STK17A: variants seen among roughly 807,000 people sequenced by gnomAD.
STK17A encodes the protein serine/threonine-protein kinase 17A.
Under a neutral mutation model 43.7 loss-of-function variants are expected in STK17A, and 26 were observed. The observed-to-expected ratio is 0.60, with a 90% CI of 0.44 to 0.83. The LOEUF (loss-of-function observed/expected upper bound fraction) is 0.83, where lower values mean the gene tolerates loss of function less well. Ranked by LOEUF, STK17A falls within the 40% of genes least tolerant of loss-of-function variation. The probability of loss-of-function intolerance (pLI) is 0.00; values close to 1 mark genes in which losing one functional copy is unlikely to be tolerated. For synonymous variants in STK17A, 191 were observed against 182.5 expected, an observed-to-expected ratio of 1.05 and a Z score of -0.38; for missense variants, 476 against 511.6, an observed-to-expected ratio of 0.93 and a Z score of 0.67.
At chr7:43,618,245 G>T (rs572963184) in intron 3 of STK17A, among the ~76,000 whole-genome samples, 1 of 152,304 alleles carries the variant, frequency 6.6e-6, no homozygotes, top group South Asian at 2.1e-4. Flanking sequence ...AGCAGGGGAG[G>T]CCAGGGCAGG....
Position 43,593,592 on chromosome 7 carries a change from A to G in STK17A, c.207-2309A>G, listed in dbSNP as rs189220715. Among the ~76,000 whole-genome samples, 160 of 152,184 alleles carry G rather than the reference A, an allele frequency of 1.1e-3. No individual in the cohort carries two copies. In the Middle Eastern group the frequency reaches 0.017, roughly 16 times the overall value. ...ATAGCCATTCCAACTGCTGTAAAGC[A>G]GTACCTCATTGTGATTTTAATTTGC... On this transcript the variant is annotated intron_variant, in intron 1 of 6. Coordinates refer to ENST00000319357, the MANE Select transcript of STK17A (RefSeq NM_004760.3).
At position 43,596,007 on chromosome 7, in the gene STK17A, A is replaced by G; in HGVS notation, c.313A>G (p.Ile105Val). The change falls in exon 2 of 7, where the codon ATA becomes GTA. Residue 105 changes from isoleucine (I) to valine (V), a missense_variant. Physicochemically the swap from Ile to Val is conservative, Grantham distance 29. Coordinates refer to ENST00000319357, the MANE Select transcript of STK17A (RefSeq NM_004760.3). ...AAAAGGCCAAGATTGTCGGATGGAA[A>G]TAATTCATGAGATTGCTGTACTTGA... ...RRKGQDCRME[I>V]IHEIAVLELA... 6.2e-7 allele frequency: 1 copy of G among 1,614,020 alleles called. No individual in the cohort carries two copies. The highest frequency in any genetic ancestry group is 8.5e-7 in the Non-Finnish European group (1 of 1,179,960).
At chr7:43,622,193 C>T (rs561176544) in intron 4 of STK17A, 4 of 152,324 alleles carry the variant, frequency 2.6e-5, no homozygotes, top group South Asian at 2.1e-4. Context: ...GTTTCTTCCC[C>T]GGTAATTTGG....
intron 2 of STK17A, among the ~76,000 whole-genome samples, chr7:43,598,820 G>A (rs1242288330): frequency 1.3e-5 from 2 of 151,802 alleles, no homozygotes; most frequent in Non-Finnish European, 1.5e-5. Flanking sequence ...CTGGAGTGCA[G>A]TGGCATGATC....
At position 43,608,301 on chromosome 7, in the gene STK17A, A is replaced by G; in HGVS notation, c.465A>G (p.Glu155=). Residue 155 remains glutamate (E), a synonymous_variant, in exon 3 of 7, where the codon GAA becomes GAG. Coordinates refer to ENST00000319357, the MANE Select transcript of STK17A (RefSeq NM_004760.3). ...TTGACCAGTGTGTTGCAGACAGAGAAGAAGCCTTTAAAGAAAAAGATGTTC... is the reference window on the plus strand; with the variant it reads ...TTGACCAGTGTGTTGCAGACAGAGAGGAAGCCTTTAAAGAAAAAGATGTTC... The part of the protein sequence containing the change: ...EIFDQCVADR[E]EAFKEKDVQR... 1.2e-6 allele frequency: 2 copies of G among 1,614,138 alleles called. No individual in the cohort carries two copies. Among genetic ancestry groups the G allele is most frequent in the South Asian group, 1.1e-5 (1 of 91,066 alleles).
intron 3 of STK17A, among the ~76,000 whole-genome samples, chr7:43,610,346 CAAAAAAAA>C (rs138859141): frequency 1.9e-4 from 8 of 41,312 alleles, no homozygotes; most frequent in South Asian, 1.2e-3. Context: ...GACTCCGTCT[CAAAAAAAA>C]AAAAAAAAAA....
chr7:43,589,517 G>T (rs781510135), intron 1 of STK17A, among the ~76,000 whole-genome samples: 1 of 146,764 alleles, frequency 6.8e-6, no homozygotes. Context: ...TTTGTATTTG[G>T]AATCCCTTCA....
chr7:43,590,658 T>A (rs2152970625), intron 1 of STK17A, among the ~76,000 whole-genome samples: 1 of 151,688 alleles, frequency 6.6e-6, no homozygotes, highest in Middle Eastern at 3.4e-3. Flanking sequence ...GGAAGAAGTT[T>A]GGCTTTTGAG....
intron 3 of STK17A, among the ~76,000 whole-genome samples, chr7:43,612,116 C>T (rs560867047): frequency 1.3e-5 from 2 of 152,314 alleles, no homozygotes; most frequent in East Asian, 3.9e-4. Context: ...AGAATTCTTT[C>T]CAGATTCAGT....
At chr7:43,602,103 A>G (rs900761239) in intron 2 of STK17A, among the ~76,000 whole-genome samples, 4 of 152,152 alleles carry the variant, frequency 2.6e-5, no homozygotes, top group Admixed American at 2.0e-4. Flanking sequence ...GAAGAGATTC[A>G]GCTAATTATT....
In STK17A at chr7:43,583,410, A is replaced by T; in HGVS notation, c.167A>T (p.Gln56Leu). ...IRAVVRTEPF[Q>L]DGYSLCPGRE... ...GCCGTGGTGCGCACCGAGCCCTTCC[A>T]GGACGGCTACAGCCTGTGCCCGGGC... Residue 56 changes from glutamine (Q) to leucine (L), a missense_variant, in exon 1 of 7, where the codon CAG becomes CTG. Gln to Leu is a moderately radical substitution (Grantham distance 113, BLOSUM62 -2). This residue lies in a region of STK17A where 320 missense variants were observed against 326.3 expected (regional missense o/e 0.98). Transcript: ENST00000319357. 1 of 1,433,566 alleles carries T rather than the reference A, an allele frequency of 7.0e-7. No homozygotes were observed. The highest frequency in any genetic ancestry group is 9.2e-7 in the Non-Finnish European group (1 of 1,092,234). The allele number at this position is 1,433,566 out of a possible 1,614,324, so 88.8% of individuals were successfully genotyped here.
At chr7:43,584,633 T>C (rs2082426323) in intron 1 of STK17A, among the ~76,000 whole-genome samples, 1 of 152,036 alleles carries the variant, frequency 6.6e-6, no homozygotes, top group Non-Finnish European at 1.5e-5. Context: ...CACACTGCCT[T>C]ACACATATTA....
chr7:43,583,915 A>G (rs2082421211), intron 1 of STK17A, among the ~76,000 whole-genome samples: 1 of 151,976 alleles, frequency 6.6e-6, no homozygotes, highest in South Asian at 2.1e-4. Flanking sequence ...CTTCCTTTGC[A>G]CCGGCGCTCT....
rs542878047 is a variant in STK17A, at chr7:43,588,738, G to A, written c.206+5289G>A. 7.3e-4 allele frequency among the ~76,000 whole-genome samples: 111 copies of A among 151,282 alleles called. 2 individuals carry two copies. The South Asian group carries it at 0.012, about 16-fold the overall frequency. ...TCCCAGCTACTTGGGAGGCTGAGGC[G>A]GGAGAATTCCTTGAACTTGAGAGGT... is the stretch of plus-strand genomic sequence containing the variant. On this transcript the variant is annotated intron_variant, in intron 1 of 6. Transcript: ENST00000319357.
intron 2 of STK17A, among the ~76,000 whole-genome samples, chr7:43,605,612 G>A (rs2082583541): frequency 6.6e-6 from 1 of 151,858 alleles, no homozygotes; most frequent in East Asian, 1.9e-4. Flanking sequence ...TCTTAGCCTT[G>A]CCAAACTCCC....
chr7:43,615,197 A>T (rs1365844380), intron 3 of STK17A, among the ~76,000 whole-genome samples: 2 of 152,020 alleles, frequency 1.3e-5, no homozygotes, highest in East Asian at 1.9e-4. Flanking sequence ...TTTGTTTTTG[A>T]TAGGGTCGTA....
intron 1 of STK17A, among the ~76,000 whole-genome samples, chr7:43,595,145 AATG>A (rs1054222954): frequency 1.8e-4 from 27 of 152,144 alleles, no homozygotes; most frequent in African/African-American, 5.8e-4. Context: ...CTCTAGTTAA[AATG>A]ATAAATGAGT....
Position 43,608,377 on chromosome 7 carries a change from G to A in STK17A, c.541G>A (p.Asp181Asn), listed in dbSNP as rs374240387. The A allele has an allele frequency of 6.2e-6, 10 of 1,608,446 alleles. No individual in the cohort carries two copies. The East Asian group carries it at 1.3e-4, about 22-fold the overall frequency. ...LEGVHFLHTR[D>N]VVHLDLKPQN... Reference sequence around the variant, plus strand: ...AGGTGTTCACTTTTTACACACTCGTGATGTAGTTCATCTTGATTTGAAGGT... The same window carrying A: ...AGGTGTTCACTTTTTACACACTCGTAATGTAGTTCATCTTGATTTGAAGGT... The change falls in exon 3 of 7, where the codon GAT becomes AAT. Residue 181 changes from aspartate (D) to asparagine (N), a missense_variant. Asp to Asn is a conservative substitution (Grantham distance 23). Coordinates refer to ENST00000319357, the MANE Select transcript of STK17A (RefSeq NM_004760.3).
At position 43,583,420 on chromosome 7, in the gene STK17A, C is replaced by T. The variant is rs1271237446; in HGVS notation, c.177C>T (p.Tyr59=). 7.2e-7 allele frequency: 1 copy of T among 1,398,054 alleles called. No individual in the cohort carries two copies. Among genetic ancestry groups the T allele is most frequent in the Non-Finnish European group, 9.3e-7 (1 of 1,075,874 alleles). The allele number at this position is 1,398,054 out of a possible 1,614,324, so 86.6% of individuals were successfully genotyped here. Residue 59 remains tyrosine, a synonymous_variant, in exon 1 of 7, where the codon TAC becomes TAT. Coordinates refer to ENST00000319357, the MANE Select transcript of STK17A (RefSeq NM_004760.3). ...VVRTEPFQDG[Y]SLCPGRELGR... ...GCACCGAGCCCTTCCAGGACGGCTA[C>T]AGCCTGTGCCCGGGCCGGGAGCTGG... is the stretch of plus-strand genomic sequence containing the variant.
Sources: allele counts gnomAD v4.1 joint callset (sites outside exome capture counted in the v4.1 genomes callset), GRCh38; gene constraint gnomAD v4.1.1; regional missense constraint gnomAD v4.1.1; transcripts MANE v1.5; gene names NCBI Gene and HGNC (gene_info 2026-07-23, HGNC 2026-07-21).